UGT2B7: variants seen among roughly 807,000 people sequenced by gnomAD.
UGT2B7 encodes UDP-glucuronosyltransferase 2B7.
In UGT2B7, 51 loss-of-function variants were observed where a neutral mutation model predicts 51.9. The ratio of observed to expected loss-of-function variants is 0.98; its 90% CI spans 0.78 to 1.24. UGT2B7 has a LOEUF of 1.24. Ranked by LOEUF, UGT2B7 falls within the 50% of genes most tolerant of loss-of-function variation. The probability of loss-of-function intolerance (pLI) is 0.00; values close to 1 mark genes in which losing one functional copy is unlikely to be tolerated. For missense variants in UGT2B7, 727 were observed against 628.4 expected (o/e 1.16, Z -1.68); for synonymous variants, 225 against 211.6 (o/e 1.06, Z -0.55).
chr4:69,051,784 T>G (rs560619096), intron 1 of UGT2B7, among the ~76,000 whole-genome samples: 1 of 152,376 alleles, frequency 6.6e-6, no homozygotes, highest in African/African-American at 2.4e-5. Context: ...ACCCAAGGTG[T>G]GCCCTTATTG....
At chr4:69,073,079 T>C (rs1718633319) in intron 1 of UGT2B7, among the ~76,000 whole-genome samples, 2 of 152,128 alleles carry the variant, frequency 1.3e-5, no homozygotes, top group South Asian at 4.1e-4. Flanking sequence ...ATAATAAGAA[T>C]TGACATACTA....
At chr4:69,065,758 TTTGA>T (rs1186783839) in intron 1 of UGT2B7, among the ~76,000 whole-genome samples, 1 of 152,198 alleles carries the variant, frequency 6.6e-6, no homozygotes, top group Non-Finnish European at 1.5e-5. Context: ...CTCACTCCCA[TTTGA>T]TTGTTTTGTA....
At chr4:69,082,175 C>T (rs146885933) in intron 1 of UGT2B7, among the ~76,000 whole-genome samples, 1 of 152,022 alleles carries the variant, frequency 6.6e-6, no homozygotes, top group African/African-American at 2.4e-5. Context: ...CAGTTGTTTC[C>T]TAGTCTCTCT....
intron 1 of UGT2B7, among the ~76,000 whole-genome samples, chr4:69,080,570 A>G (rs1004529807): frequency 1.3e-4 from 19 of 151,106 alleles, no homozygotes; most frequent in Non-Finnish European, 2.8e-4. Flanking sequence ...AAGAAAATCT[A>G]TCAATGACTA....
At chr4:69,076,963 G>T (rs1718720767) in intron 1 of UGT2B7, among the ~76,000 whole-genome samples, 1 of 152,158 alleles carries the variant, frequency 6.6e-6, no homozygotes, top group Non-Finnish European at 1.5e-5. Flanking sequence ...TTTGTATAAG[G>T]TGTAAGGAAG....
intron 2 of UGT2B7, among the ~76,000 whole-genome samples, chr4:69,099,265 A>C (rs1424107842): frequency 6.6e-6 from 1 of 150,482 alleles, no homozygotes; most frequent in East Asian, 1.9e-4. Flanking sequence ...GACAAAAAAA[A>C]AAAAAAAAAA....
chr4:69,073,463 G>T (rs1718641384), intron 1 of UGT2B7, among the ~76,000 whole-genome samples: 1 of 152,084 alleles, frequency 6.6e-6, no homozygotes, highest in Non-Finnish European at 1.5e-5. Flanking sequence ...TTTCATAAAA[G>T]ATCTAGAATC....
chr4:69,073,567 T>C (rs1450338367), intron 1 of UGT2B7, among the ~76,000 whole-genome samples: 1 of 152,088 alleles, frequency 6.6e-6, no homozygotes, highest in Non-Finnish European at 1.5e-5. Flanking sequence ...TAATCCTCGG[T>C]CAAATAAGGT....
At chr4:69,059,177 C>T (rs1484268352) in intron 1 of UGT2B7, among the ~76,000 whole-genome samples, 1 of 152,162 alleles carries the variant, frequency 6.6e-6, no homozygotes, top group Non-Finnish European at 1.5e-5. Context: ...TAGAGGCCAG[C>T]TAATGGACTT....
chr4:69,105,974 TAAAAC>T (rs1198439751), intron 3 of UGT2B7, among the ~76,000 whole-genome samples: 10 of 152,164 alleles, frequency 6.6e-5, no homozygotes, highest in Non-Finnish European at 8.8e-5. Flanking sequence ...ATAAAATACA[TAAAAC>T]AAAATAAGCA....
intron 1 of UGT2B7, among the ~76,000 whole-genome samples, chr4:69,052,390 T>A (rs1165006529): frequency 1.3e-5 from 2 of 151,816 alleles, no homozygotes; most frequent in Non-Finnish European, 2.9e-5. Flanking sequence ...CTAAACAAGG[T>A]CTTATTAATA....
At chr4:69,052,050 T>G (rs1313473099) in intron 1 of UGT2B7, among the ~76,000 whole-genome samples, 1 of 152,010 alleles carries the variant, frequency 6.6e-6, no homozygotes, top group African/African-American at 2.4e-5. Context: ...GTTAAAGAAT[T>G]TCAAGAAAGG....
chr4:69,070,563 G>A (rs1718579210), intron 1 of UGT2B7, among the ~76,000 whole-genome samples: 2 of 151,812 alleles, frequency 1.3e-5, no homozygotes, highest in South Asian at 4.1e-4. Flanking sequence ...TAAGACAAAG[G>A]TAACTGAGAC....
chr4:69,097,251 T>C lies in UGT2B7; in HGVS notation c.721+10T>C, dbSNP rs1320716807. 6.3e-7 allele frequency: 1 copy of C among 1,598,958 alleles called. No individual in the cohort carries two copies. The highest frequency in any genetic ancestry group is 8.5e-7 in the Non-Finnish European group (1 of 1,176,076). ...TATAGTGAAGTTCTAGGTAAGTATT[T>C]TTTTCAATCAGTAACATGAAGCTCT... On this transcript the variant is annotated intron_variant, in intron 1 of 5. Transcript: ENST00000305231.
intron 1 of UGT2B7, among the ~76,000 whole-genome samples, chr4:69,064,760 C>T (rs1199034338): frequency 6.6e-6 from 1 of 152,176 alleles, no homozygotes; most frequent in African/African-American, 2.4e-5. Flanking sequence ...CTCCTGTATA[C>T]ACCCCAAGGT....
At chr4:69,081,468 T>G (rs972857673) in intron 1 of UGT2B7, among the ~76,000 whole-genome samples, 2 of 152,152 alleles carry the variant, frequency 1.3e-5, no homozygotes, top group African/African-American at 4.8e-5. Flanking sequence ...TGGCTTTCCT[T>G]AAAACTAGAT....
At chr4:69,064,764 C>A (rs1718452196) in intron 1 of UGT2B7, among the ~76,000 whole-genome samples, 1 of 152,056 alleles carries the variant, frequency 6.6e-6, no homozygotes, top group Admixed American at 6.5e-5. Flanking sequence ...TGTATACACC[C>A]CAAGGTCTCT....
chr4:69,098,042 A>T (rs1719298142), intron 1 of UGT2B7, among the ~76,000 whole-genome samples: 1 of 152,018 alleles, frequency 6.6e-6, no homozygotes, highest in Admixed American at 6.6e-5. Context: ...TGGTACAAGG[A>T]TTTCAGCCAT....
Position 69,064,463 on chromosome 4 carries a change from C to A in UGT2B7, c.-159+12861C>A, listed in dbSNP as rs1718445274. On this transcript the variant is annotated intron_variant, in intron 1 of 5. Transcript: ENST00000502942. ...GGCCTGAACTACAGCTGTCTGGGCACCTAGTGAAGGTTATAAGGCAAACCA... is the reference window on the plus strand; with the variant it reads ...GGCCTGAACTACAGCTGTCTGGGCAACTAGTGAAGGTTATAAGGCAAACCA... 2.0e-5 allele frequency among the ~76,000 whole-genome samples: 3 copies of A among 152,204 alleles called. 1 individual carries two copies. The South Asian group carries it at 6.2e-4, about 31-fold the overall frequency.
Sources: gnomAD v4.1 joint callset for allele counts (sites outside exome capture counted in the v4.1 genomes callset) on GRCh38, gnomAD v4.1.1 for gene constraint, MANE v1.5 for transcripts, NCBI Gene and HGNC (gene_info 2026-07-23, HGNC 2026-07-21) for gene names.